Variants in AGAP1 observed in about 807,000 individuals in gnomAD.
The protein encoded by AGAP1 is ArfGAP with GTPase domain, ankyrin repeat and PH domain 1.
AGAP1 carries 29 observed loss-of-function variants against 105.3 expected under a neutral mutation model. The observed-to-expected ratio is 0.28, with a 90% CI of 0.21 to 0.38. AGAP1 has a LOEUF of 0.38. AGAP1 is among the 10% of genes least tolerant of loss of function. The pLI, the probability that AGAP1 is intolerant of heterozygous loss-of-function variation, is 1.00. For missense variants in AGAP1, 998 were observed against 1,165.1 expected (o/e 0.86, Z 2.09); for synonymous variants, 509 against 485.9 (o/e 1.05, Z -0.63).
intron 6 of AGAP1, among the ~76,000 whole-genome samples, chr2:235,765,399 A>C (rs1420871205): frequency 1.3e-5 from 2 of 152,044 alleles, no homozygotes; most frequent in Admixed American, 6.6e-5. Context: ...CGCTGCCCCC[A>C]CAGGCCCGGC....
intron 9 of AGAP1, among the ~76,000 whole-genome samples, chr2:235,858,429 A>G (rs1489770004): frequency 6.6e-6 from 1 of 152,222 alleles, no homozygotes; most frequent in African/African-American, 2.4e-5. Context: ...TATTTAAGAT[A>G]AGACATTGAG....
At chr2:235,897,910 T>C (rs1326076687) in intron 10 of AGAP1, among the ~76,000 whole-genome samples, 1 of 152,202 alleles carries the variant, frequency 6.6e-6, no homozygotes, top group African/African-American at 2.4e-5. Flanking sequence ...CTGTTTCTTC[T>C]CAGGTGTGCC....
chr2:235,867,760 G>T lies in AGAP1; in HGVS notation c.1051-15585G>T, dbSNP rs530543131. ...GGATGTCAGGGGAGCCTCAGCAGGGGCATCACCTGGATGTACCATTTTCCG... is the reference window on the plus strand; with the variant it reads ...GGATGTCAGGGGAGCCTCAGCAGGGTCATCACCTGGATGTACCATTTTCCG... On this transcript the variant is annotated intron_variant, in intron 9 of 17. Coordinates refer to ENST00000304032, the MANE Select transcript of AGAP1 (RefSeq NM_001037131.3). This position sits in a 1 kb window ranked among gnomAD's most constrained non-coding sequence, Gnocchi z 5.4. Among the ~76,000 whole-genome samples, 3 of 152,140 alleles carry T rather than the reference G, an allele frequency of 2.0e-5. No individual in the cohort carries two copies. Among genetic ancestry groups the T allele is most frequent in the African/African-American group, 4.8e-5 (2 of 41,418 alleles).
chr2:236,089,573 A>T lies in AGAP1; in HGVS notation c.2115-30619A>T, dbSNP rs548726804. Reference sequence around the variant, plus strand: ...CTGGTTCCATATAGAGTTCATGCTCACCCCGAAGTCCTTCTTTGGCACTGG... The same window carrying T: ...CTGGTTCCATATAGAGTTCATGCTCTCCCCGAAGTCCTTCTTTGGCACTGG... On this transcript the variant is annotated intron_variant, in intron 16 of 17. Coordinates refer to ENST00000304032, the MANE Select transcript of AGAP1 (RefSeq NM_001037131.3). This position sits in a 1 kb window ranked among gnomAD's most constrained non-coding sequence, Gnocchi z 5.6. Among the ~76,000 whole-genome samples, 11 of 152,320 alleles carry T rather than the reference A, an allele frequency of 7.2e-5. No homozygotes were observed. In the South Asian group the frequency reaches 2.3e-3, roughly 32 times the overall value.
rs2060086333 is a variant in AGAP1, at chr2:236,131,687, T to G, written c.*7565T>G. 6.6e-6 allele frequency: 1 copy of G among 152,138 alleles called. No homozygotes were observed. The highest frequency in any genetic ancestry group is 1.5e-5 in the Non-Finnish European group (1 of 68,014). The allele number at this position is 152,138 out of a possible 1,614,324, so 9.4% of individuals were successfully genotyped here. A position where few individuals can be genotyped will look rare whatever the true frequency, so the allele number is the denominator to read the frequency against. ...TGCCTTGGGATTTTTTTGTGTCCGCTGTACAGTATTCTAAGGGAAAAAGAA... is the reference window on the plus strand; with the variant it reads ...TGCCTTGGGATTTTTTTGTGTCCGCGGTACAGTATTCTAAGGGAAAAAGAA... On this transcript the variant is annotated 3_prime_UTR_variant, in exon 18 of 18. Coordinates refer to ENST00000304032, the MANE Select transcript of AGAP1 (RefSeq NM_001037131.3). This position sits in a 1 kb window ranked among gnomAD's most constrained non-coding sequence, Gnocchi z 5.9.
chr2:235,662,217 C>T lies in AGAP1; in HGVS notation c.164-46962C>T, dbSNP rs1033466311. On this transcript the variant is annotated intron_variant, in intron 1 of 17. Transcript: ENST00000304032. This position sits in a 1 kb window ranked among gnomAD's most constrained non-coding sequence, Gnocchi z 4.2. ...GACCCAGGGTGGTGGCACATGAATC[C>T]CAGCTTTGTGTATCCACTCAGTTGC... Among the ~76,000 whole-genome samples the T allele has an allele frequency of 2.6e-5, 4 of 152,156 alleles. No homozygotes were observed. Among genetic ancestry groups the T allele is most frequent in the African/African-American group, 9.7e-5 (4 of 41,440 alleles).
At chr2:235,707,328 TCTC>T (rs75940802) in intron 1 of AGAP1, among the ~76,000 whole-genome samples, 48,514 of 151,896 alleles carry the variant, frequency 0.32, 8,589 homozygotes, top group South Asian at 0.44. Context: ...ATCACTCAGA[TCTC>T]CTCCTGATCT....
intron 6 of AGAP1, among the ~76,000 whole-genome samples, chr2:235,794,758 C>T (rs2150028139): frequency 6.6e-6 from 1 of 152,262 alleles, no homozygotes; most frequent in South Asian, 2.1e-4. Flanking sequence ...AGGTATGAGC[C>T]ACCGCGCCCA....
chr2:235,680,713 C>T (rs984210706), intron 1 of AGAP1, among the ~76,000 whole-genome samples: 2 of 151,508 alleles, frequency 1.3e-5, no homozygotes, highest in Non-Finnish European at 2.9e-5. Flanking sequence ...GGGTCTCCTG[C>T]CTGAGCTTCT....
intron 1 of AGAP1, among the ~76,000 whole-genome samples, chr2:235,519,380 ATATT>A (rs1457101588): frequency 6.6e-6 from 1 of 152,022 alleles, no homozygotes; most frequent in Non-Finnish European, 1.5e-5. Flanking sequence ...GCCCTAGTTT[ATATT>A]TATTAATTGG....
chr2:235,895,029 C>T (rs1028922394), intron 10 of AGAP1, among the ~76,000 whole-genome samples: 24 of 152,210 alleles, frequency 1.6e-4, no homozygotes, highest in African/African-American at 5.5e-4. Context: ...TCTCTTCCTC[C>T]TGGGAATTCA....
chr2:235,671,761 C>T (rs1046242003), intron 1 of AGAP1, among the ~76,000 whole-genome samples: 2 of 152,228 alleles, frequency 1.3e-5, no homozygotes, highest in Non-Finnish European at 2.9e-5. Flanking sequence ...GCAGCCTGTT[C>T]TGAAACCTCA....
At chr2:235,735,615 C>T (rs1272132891) in intron 3 of AGAP1, among the ~76,000 whole-genome samples, 1 of 151,856 alleles carries the variant, frequency 6.6e-6, no homozygotes, top group African/African-American at 2.4e-5. Context: ...CCTTTTCTTC[C>T]TGGTGCGCTG....
At chr2:236,064,979 A>G in intron 16 of AGAP1, among the ~76,000 whole-genome samples, 1 of 152,188 alleles carries the variant, frequency 6.6e-6, no homozygotes. Context: ...TCCAAAAACT[A>G]AAGTTAGGGT....
Position 235,741,734 on chromosome 2 carries a change from A to G in AGAP1, c.396+686A>G, listed in dbSNP as rs981513122. ...TATTATTGTTGTTGTTGTTATTATT[A>G]TTATTGTTATTTTTTATTATTTATT... On this transcript the variant is annotated intron_variant, in intron 4 of 17. Transcript: ENST00000304032. The surrounding 1 kb of genome is among the most constrained non-coding windows in gnomAD (Gnocchi z 4.9). 6.7e-6 allele frequency among the ~76,000 whole-genome samples: 1 copy of G among 149,750 alleles called. No individual in the cohort carries two copies. The highest frequency in any genetic ancestry group is 6.6e-5 in the Admixed American group (1 of 15,096).
Position 236,104,743 on chromosome 2 carries a change from G to T in AGAP1, c.2115-15449G>T, listed in dbSNP as rs1327125689. On this transcript the variant is annotated intron_variant, in intron 16 of 17. Transcript: ENST00000304032. The surrounding 1 kb of genome is among the most constrained non-coding windows in gnomAD (Gnocchi z 4.7). ...GTCTCTACCAAAAATACAAAAATTA[G>T]CTGGGCATGGTGATGCGTGCCTGTA... is the stretch of plus-strand genomic sequence containing the variant. Among the ~76,000 whole-genome samples the T allele has an allele frequency of 1.3e-5, 2 of 152,176 alleles. No homozygotes were observed. Among genetic ancestry groups the T allele is most frequent in the African/African-American group, 2.4e-5 (1 of 41,438 alleles).
At chr2:235,985,873 C>T (rs1020403033) in intron 13 of AGAP1, among the ~76,000 whole-genome samples, 1 of 152,088 alleles carries the variant, frequency 6.6e-6, no homozygotes, top group African/African-American at 2.4e-5. Flanking sequence ...GTTACTGTAG[C>T]CTTGTATATA....
chr2:235,498,063 G>A (rs1373443932), intron 1 of AGAP1, among the ~76,000 whole-genome samples: 2 of 152,092 alleles, frequency 1.3e-5, no homozygotes, highest in Admixed American at 6.6e-5. Flanking sequence ...AGGATGTTTT[G>A]GCTAATGCTT....
intron 6 of AGAP1, among the ~76,000 whole-genome samples, chr2:235,772,551 T>A (rs924020757): frequency 5.3e-5 from 8 of 152,218 alleles, no homozygotes; most frequent in Non-Finnish European, 1.2e-4. Context: ...CACAGAGTCC[T>A]CCCATTCATG....
Sources: allele counts gnomAD v4.1 joint callset (sites outside exome capture counted in the v4.1 genomes callset), GRCh38; gene constraint gnomAD v4.1.1; non-coding constraint Gnocchi (gnomAD v3.1); transcripts MANE v1.5; gene names NCBI Gene and HGNC (gene_info 2026-07-23, HGNC 2026-07-21).